The following ATXN3 variants were observed in gnomAD, a reference collection of about 807,000 sequenced individuals.
ATXN3 encodes the protein ataxin 3, also known as ataxin-3.
In ATXN3, 28 loss-of-function variants were observed where a neutral mutation model predicts 58.2. The observed-to-expected ratio is 0.48, with a 90% CI of 0.36 to 0.66. The LOEUF (loss-of-function observed/expected upper bound fraction) is 0.66. Ranked by LOEUF, ATXN3 falls within the 30% of genes least tolerant of loss-of-function variation. The pLI, the probability that ATXN3 is intolerant of heterozygous loss-of-function variation, is 0.00. For synonymous variants in ATXN3, 113 were observed against 138.5 expected (o/e 0.82, Z 1.29); for missense variants, 321 against 422.1 (o/e 0.76, Z 2.10).
intron 7 of ATXN3, 138 bp from the exon 8 acceptor site, chr14:92,082,604 G>T: frequency 1.3e-6 from 1 of 744,830 alleles, no homozygotes; most frequent in Non-Finnish European, 2.0e-6. Context: ...GTAATATAAT[G>T]ATTGTGTTGC....
intron 3 of ATXN3, among the ~76,000 whole-genome samples, chr14:92,094,289 TA>T (rs34231755): frequency 6.6e-6 from 1 of 150,630 alleles, no homozygotes; most frequent in Non-Finnish European, 1.5e-5. Context: ...ACTAAATCCA[TA>T]AAAAAAAACA....
chr14:92,100,642 T>C (rs1287760113), intron 1 of ATXN3, among the ~76,000 whole-genome samples: 2 of 152,148 alleles, frequency 1.3e-5, no homozygotes, highest in African/African-American at 4.8e-5. Context: ...ACTGTACACT[T>C]CCAGTCACAA....
At chr14:92,065,445 T>C (rs1595476895) in intron 10 of ATXN3, among the ~76,000 whole-genome samples, 1 of 152,228 alleles carries the variant, frequency 6.6e-6, no homozygotes, top group Admixed American at 6.5e-5. Flanking sequence ...TATAAATTTC[T>C]ATTTTTGGCT....
rs905618553 is a variant in ATXN3 at position 92,093,237 on chromosome 14, G to T, written c.387+15C>A. ...AATATAAGAAAAAAAGACAAGGAAGGGTAAGAAATGTTACCTGTTTTCCTA... is the reference window on the plus strand; with the variant it reads ...AATATAAGAAAAAAAGACAAGGAAGTGTAAGAAATGTTACCTGTTTTCCTA... On this transcript the variant is annotated intron_variant, in intron 5 of 10. Transcript: ENST00000644486. 16 of 1,476,804 alleles carry T rather than the reference G, an allele frequency of 1.1e-5. No homozygotes were observed. In the Admixed American group the frequency reaches 2.5e-4, roughly 23 times the overall value. The allele number at this position is 1,476,804 out of a possible 1,614,324, so 91.5% of individuals were successfully genotyped here.
Position 92,067,234 on chromosome 14 carries a change from G to C in ATXN3, c.992-2820C>G, listed in dbSNP as rs139366856. ...TTTTGTCTGCAGTGTTCAGAAATCT[G>C]ACTGTGATGTGTCTCTGTGTGAACT... is the stretch of plus-strand genomic sequence containing the variant. On this transcript the variant is annotated intron_variant, in intron 10 of 10. Coordinates refer to ENST00000644486, the MANE Select transcript of ATXN3 (RefSeq NM_004993.6). Among the ~76,000 whole-genome samples the C allele has an allele frequency of 3.5e-4, 54 of 152,262 alleles. No homozygotes were observed. The East Asian group carries it at 7.5e-3, about 21-fold the overall frequency.
chr14:92,082,175 T>C, intron 8 of ATXN3, 125 bp downstream of exon 8: 1 of 1,059,336 alleles, frequency 9.4e-7, no homozygotes, highest in Non-Finnish European at 1.3e-6. Context: ...AAGCCCACTA[T>C]ATAGCTATTG....
chr14:92,067,483 G>A (rs140568543), intron 10 of ATXN3, among the ~76,000 whole-genome samples: 1 of 152,100 alleles, frequency 6.6e-6, no homozygotes, highest in Non-Finnish European at 1.5e-5. Context: ...TGCAACCTCC[G>A]TCTCCCAGGT....
intron 1 of ATXN3, among the ~76,000 whole-genome samples, chr14:92,102,962 C>T (rs1253451547): frequency 6.6e-6 from 1 of 152,168 alleles, no homozygotes; most frequent in African/African-American, 2.4e-5. Flanking sequence ...ATGAATGCCA[C>T]AGAGTCAATG....
intron 8 of ATXN3, 58 bp from the exon 9 acceptor site, chr14:92,081,119 CAAT>C: frequency 1.7e-6 from 2 of 1,204,618 alleles, no homozygotes; most frequent in Non-Finnish European, 2.5e-6. Context: ...ATTCAAGCAA[CAAT>C]ATGTTTGTTT....
At chr14:92,097,891 A>G (rs1007907674) in intron 1 of ATXN3, among the ~76,000 whole-genome samples, 10 of 152,148 alleles carry the variant, frequency 6.6e-5, no homozygotes, top group Non-Finnish European at 8.8e-5. Flanking sequence ...ACATAGGTAC[A>G]TGCATTTTCA....
intron 9 of ATXN3, chr14:92,080,510 T>C (rs1360653238): frequency 6.6e-6 from 1 of 152,292 alleles, no homozygotes; most frequent in Non-Finnish European, 1.5e-5. Flanking sequence ...TTATTTGCCG[T>C]AAATTTTTAT....
At chr14:92,052,355 G>A (rs1423558288), upstream of ATXN3, among the ~76,000 whole-genome samples, 5 of 152,130 alleles carry the variant, frequency 3.3e-5, no homozygotes, top group African/African-American at 1.2e-4. Flanking sequence ...TTAGCTGGGT[G>A]TGGTGGCCTG....
intron 1 of ATXN3, among the ~76,000 whole-genome samples, chr14:92,098,153 A>G (rs1398357948): frequency 6.6e-6 from 1 of 152,076 alleles, no homozygotes; most frequent in East Asian, 1.9e-4. Flanking sequence ...TTATTTATTT[A>G]AAAAAAGAGA....
rs144045303 is a variant in ATXN3, at chr14:92,099,931, GAAGA to G, written c.25-3097_25-3094del. On this transcript the variant is annotated intron_variant, in intron 1 of 10. Transcript: ENST00000644486. ...GAAAGAAAAGAAGGAAGGAAAGAAA[GAAGA>G]AAGAAAGAAAGGAAGGAAGGAAGAA... Among the ~76,000 whole-genome samples the G allele has an allele frequency of 8.6e-3, 1,276 of 148,808 alleles. 11 individuals are homozygous for G. Among genetic ancestry groups the G allele is most frequent in the Middle Eastern group, 0.035 (10 of 288 alleles).
intron 9 of ATXN3, chr14:92,071,632 A>G (rs899253781): frequency 3.7e-6 from 1 of 266,974 alleles, no homozygotes; most frequent in Non-Finnish European, 7.4e-6. Context: ...TCATACAAAA[A>G]GATTCACTGG....
chr14:92,093,921 T>C lies in ATXN3; in HGVS notation c.235-90A>G, dbSNP rs2064499320. 19 of 738,820 alleles carry C rather than the reference T, an allele frequency of 2.6e-5. 1 individual carries two copies. In the South Asian group the frequency reaches 2.9e-4, roughly 11 times the overall value. 45.8% of individuals were successfully genotyped at this position (738,820 alleles called of 1,614,324 possible). A position where few individuals can be genotyped will look rare whatever the true frequency, so the allele number is the denominator to read the frequency against. The stretch of plus-strand genomic sequence containing the variant: ...CTATGTTAGTTGTGTACTTCATATA[T>C]AAATTTCTCTAGAAGGCTATAGGTT... On this transcript the variant is annotated intron_variant, in intron 3 of 10. Transcript: ENST00000644486.
chr14:92,064,240 A>G lies in ATXN3; in HGVS notation c.*80T>C. The G allele has an allele frequency of 9.7e-7, 1 of 1,027,780 alleles. No homozygotes were observed. Among genetic ancestry groups the G allele is most frequent in the Non-Finnish European group, 1.4e-6 (1 of 690,188 alleles). The allele number at this position is 1,027,780 out of a possible 1,614,324, so 63.7% of individuals were successfully genotyped here. A position where few individuals can be genotyped will look rare whatever the true frequency, so the allele number is the denominator to read the frequency against. ...TCTTATTTCCTCATCTCTTTGACAC[A>G]TTACCAAAGTGGACCCTATGCTGTA... On this transcript the variant is annotated 3_prime_UTR_variant, in exon 11 of 11. Coordinates refer to ENST00000644486, the MANE Select transcript of ATXN3 (RefSeq NM_004993.6).
chr14:92,054,977 G>A (rs917016948), downstream of ATXN3, among the ~76,000 whole-genome samples: 4 of 152,174 alleles, frequency 2.6e-5, no homozygotes, highest in African/African-American at 4.8e-5. Flanking sequence ...CGCCTCCCGG[G>A]TTCAAGCAAT....
chr14:92,103,119 A>AC (rs1290289812), intron 1 of ATXN3, among the ~76,000 whole-genome samples: 6 of 150,750 alleles, frequency 4.0e-5, no homozygotes, highest in East Asian at 3.9e-4. Context: ...TTAAAAAAAA[A>AC]AAAAAAAACA....
Sources: allele counts gnomAD v4.1 joint callset (sites outside exome capture counted in the v4.1 genomes callset), GRCh38; gene constraint gnomAD v4.1.1; transcripts MANE v1.5; gene names NCBI Gene and HGNC (gene_info 2026-07-23, HGNC 2026-07-21).